RPTOR: variants seen among roughly 807,000 people sequenced by gnomAD.
RPTOR encodes regulatory-associated protein of mTOR.
A neutral mutation model predicts 169.9 loss-of-function variants in RPTOR; 21 were observed. That is an observed-to-expected ratio of 0.12 (90% CI 0.09 to 0.18). The LOEUF (loss-of-function observed/expected upper bound fraction) is 0.18, where lower values mean the gene tolerates loss of function less well. Among genes scored for constraint, RPTOR ranks in the 10% least tolerant of loss-of-function variants. The probability of loss-of-function intolerance (pLI) is 1.00; values close to 1 mark genes in which losing one functional copy is unlikely to be tolerated. For synonymous variants in RPTOR, 732 were observed against 753.2 expected, an observed-to-expected ratio of 0.97 and a Z score of 0.46; for missense variants, 1,133 against 1,855.9, an observed-to-expected ratio of 0.61 and a Z score of 7.16.
chr17:80,807,413 G>T (rs541416793), intron 7 of RPTOR, among the ~76,000 whole-genome samples: 56 of 152,118 alleles, frequency 3.7e-4, no homozygotes, highest in African/African-American at 1.3e-3. Flanking sequence ...GCAATAGCAC[G>T]ATCTCAAGCT....
chr17:80,620,386 C>G (rs1365511241), intron 1 of RPTOR, among the ~76,000 whole-genome samples: 3 of 152,140 alleles, frequency 2.0e-5, no homozygotes, highest in East Asian at 1.9e-4. Flanking sequence ...AAACATTAAT[C>G]AAGAGTTTTT....
chr17:80,853,509 G>T (rs1351709376), intron 11 of RPTOR, among the ~76,000 whole-genome samples: 1 of 152,152 alleles, frequency 6.6e-6, no homozygotes, highest in Admixed American at 6.5e-5. Context: ...GGGTGAGGTG[G>T]TCCCTACTGT....
At chr17:80,787,272 C>T (rs566724137) in intron 6 of RPTOR, among the ~76,000 whole-genome samples, 1 of 152,226 alleles carries the variant, frequency 6.6e-6, no homozygotes, top group South Asian at 2.1e-4. Flanking sequence ...TGGACATTTC[C>T]CACTTAGCAT....
intron 20 of RPTOR, 82 bp from the exon 21 acceptor site, chr17:80,908,729 A>T: frequency 1.1e-6 from 1 of 942,566 alleles, no homozygotes; most frequent in Non-Finnish European, 1.7e-6. Context: ...TACCAGGGTT[A>T]GGGTTTCAGA....
chr17:80,649,309 G>C (rs778781461), intron 3 of RPTOR, among the ~76,000 whole-genome samples: 1 of 152,206 alleles, frequency 6.6e-6, no homozygotes, highest in African/African-American at 2.4e-5. Context: ...GTCCAGTTCA[G>C]CTGGTGAAAA....
chr17:80,930,419 C>G (rs1416539961), intron 24 of RPTOR, among the ~76,000 whole-genome samples: 5 of 73,946 alleles, frequency 6.8e-5, no homozygotes, highest in Non-Finnish European at 1.2e-4. Flanking sequence ...CCAGCTCATC[C>G]TCAGCTCATC....
At chr17:80,568,799 C>A (rs1293691831) in intron 1 of RPTOR, among the ~76,000 whole-genome samples, 1 of 152,102 alleles carries the variant, frequency 6.6e-6, no homozygotes, top group African/African-American at 2.4e-5. Context: ...GTTGCAATGT[C>A]TTCGCGTTCT....
At chr17:80,901,209 C>A (rs1366405016) in intron 20 of RPTOR, among the ~76,000 whole-genome samples, 1 of 150,620 alleles carries the variant, frequency 6.6e-6, no homozygotes, top group Non-Finnish European at 1.5e-5. Context: ...GGCGAAGAAT[C>A]GCAGTTTCAT....
At chr17:80,697,460 G>T (rs2066046541) in intron 3 of RPTOR, among the ~76,000 whole-genome samples, 1 of 152,228 alleles carries the variant, frequency 6.6e-6, no homozygotes. Context: ...ACCTGCCCCT[G>T]TCTGCCTAGG....
At chr17:80,547,433 T>G (rs2084290331) in intron 1 of RPTOR, among the ~76,000 whole-genome samples, 1 of 152,240 alleles carries the variant, frequency 6.6e-6, no homozygotes. Context: ...ACGTTTGACC[T>G]TTTAATTAAA....
chr17:80,769,222 T>G (rs544172774), intron 6 of RPTOR, among the ~76,000 whole-genome samples: 6 of 139,468 alleles, frequency 4.3e-5, no homozygotes, highest in Admixed American at 2.8e-4. Flanking sequence ...TTGCCAGCCT[T>G]GTTGTAAAAT....
intron 1 of RPTOR, among the ~76,000 whole-genome samples, chr17:80,575,257 A>C (rs981205070): frequency 2.0e-5 from 3 of 152,090 alleles, no homozygotes; most frequent in Admixed American, 6.5e-5. Context: ...GGCCTCCCAA[A>C]GTGCTGGGAT....
At chr17:80,749,819 C>A (rs929150307) in intron 5 of RPTOR, among the ~76,000 whole-genome samples, 36 of 152,096 alleles carry the variant, frequency 2.4e-4, no homozygotes, top group African/African-American at 7.5e-4. Context: ...CCCAAGGGAT[C>A]CTCCCACCTC....
intron 24 of RPTOR, among the ~76,000 whole-genome samples, chr17:80,932,326 C>A (rs776373003): frequency 6.6e-6 from 1 of 151,996 alleles, no homozygotes; most frequent in African/African-American, 2.4e-5. Context: ...GGCAACGCAG[C>A]AAGACCTCAT....
chr17:80,862,586 G>A (rs4586503), intron 13 of RPTOR, among the ~76,000 whole-genome samples: 15,530 of 134,802 alleles, frequency 0.12, 232 homozygotes, highest in Non-Finnish European at 0.16. Flanking sequence ...CGTGTTGCTG[G>A]TGGTCCTCTG....
chr17:80,707,475 C>T lies in RPTOR; in HGVS notation c.349-366C>T, dbSNP rs2066150364. 6.6e-6 allele frequency among the ~76,000 whole-genome samples: 1 copy of T among 152,140 alleles called. No homozygotes were observed. The highest frequency in any genetic ancestry group is 6.5e-5 in the Admixed American group (1 of 15,286). ...AGTACAGTGTTGTGATCATGGTTCACTGCAACCTCAACCTCCTGGGCTTAA... is the reference window on the plus strand; with the variant it reads ...AGTACAGTGTTGTGATCATGGTTCATTGCAACCTCAACCTCCTGGGCTTAA... On this transcript the variant is annotated intron_variant, in intron 3 of 33. Transcript: ENST00000306801. This position sits in a 1 kb window ranked among gnomAD's most constrained non-coding sequence, Gnocchi z 5.0.
intron 1 of RPTOR, among the ~76,000 whole-genome samples, chr17:80,588,256 G>A (rs895098630): frequency 6.6e-6 from 1 of 151,104 alleles, no homozygotes; most frequent in Non-Finnish European, 1.5e-5. Context: ...TCCGCCTCTC[G>A]GGGTCAGGCA....
At chr17:80,908,059 A>G (rs956625212) in intron 20 of RPTOR, among the ~76,000 whole-genome samples, 1 of 152,162 alleles carries the variant, frequency 6.6e-6, no homozygotes, top group African/African-American at 2.4e-5. Flanking sequence ...ACCTGCCTGT[A>G]GGATTGCTGG....
At chr17:80,569,649 T>C (rs2064882264) in intron 1 of RPTOR, among the ~76,000 whole-genome samples, 2 of 152,212 alleles carry the variant, frequency 1.3e-5, no homozygotes, top group Admixed American at 1.3e-4. Context: ...CCATTGTTTG[T>C]GGATGGTCTA....
Sources: allele counts gnomAD v4.1 joint callset (sites outside exome capture counted in the v4.1 genomes callset), GRCh38; gene constraint gnomAD v4.1.1; non-coding constraint Gnocchi (gnomAD v3.1); transcripts MANE v1.5; gene names NCBI Gene and HGNC (gene_info 2026-07-23, HGNC 2026-07-21).